Variants in RPS6KA2 observed in about 807,000 individuals in gnomAD.
RPS6KA2 encodes the protein ribosomal protein S6 kinase alpha-2.
In RPS6KA2, 42 loss-of-function variants were observed where a neutral mutation model predicts 91.8. The observed-to-expected ratio is 0.46, with a 90% CI of 0.36 to 0.59. The LOEUF (loss-of-function observed/expected upper bound fraction) is 0.59, where lower values mean the gene tolerates loss of function less well. RPS6KA2 is among the 20% of genes least tolerant of loss of function. RPS6KA2 has a pLI of 0.00. For missense variants in RPS6KA2, 798 were observed against 978.5 expected (o/e 0.82, Z 2.46); for synonymous variants, 414 against 393.6 (o/e 1.05, Z -0.61).
chr6:166,709,910 C>A (rs1344316004), intron 2 of RPS6KA2, among the ~76,000 whole-genome samples: 1 of 152,184 alleles, frequency 6.6e-6, no homozygotes, highest in Non-Finnish European at 1.5e-5. Flanking sequence ...GTGGGCAGAA[C>A]AACTGTGATT....
At chr6:166,813,771 A>G (rs1779696402) in intron 2 of RPS6KA2, among the ~76,000 whole-genome samples, 1 of 152,186 alleles carries the variant, frequency 6.6e-6, no homozygotes, top group Admixed American at 6.5e-5. Context: ...TTGAGTTTTC[A>G]TGACTGAAAA....
chr6:166,839,626 T>C (rs1235298489), intron 2 of RPS6KA2, among the ~76,000 whole-genome samples: 1 of 130,200 alleles, frequency 7.7e-6, no homozygotes, highest in Non-Finnish European at 1.6e-5. Flanking sequence ...TAAAAATAGA[T>C]GCCATCCCAA....
At chr6:166,539,622 G>T (rs1260900305) in intron 1 of RPS6KA2, among the ~76,000 whole-genome samples, 2 of 152,222 alleles carry the variant, frequency 1.3e-5, no homozygotes, top group African/African-American at 4.8e-5. Context: ...CACCAGCCCA[G>T]AAAGCAAGAT....
intron 8 of RPS6KA2, among the ~76,000 whole-genome samples, chr6:166,497,965 G>A (rs1781851288): frequency 6.6e-6 from 1 of 152,120 alleles, no homozygotes; most frequent in Admixed American, 6.5e-5. Context: ...AGCTGGGAGA[G>A]TGGGATTGGG....
chr6:166,712,679 CT>C (rs1789898355), intron 2 of RPS6KA2, among the ~76,000 whole-genome samples: 1 of 152,182 alleles, frequency 6.6e-6, no homozygotes, highest in African/African-American at 2.4e-5. Context: ...CCTGCACTAT[CT>C]CTTGATGTGT....
intron 11 of RPS6KA2, among the ~76,000 whole-genome samples, chr6:166,464,143 C>T (rs1055238202): frequency 7.9e-5 from 12 of 152,324 alleles, no homozygotes; most frequent in Middle Eastern, 3.4e-3. Context: ...CCACTCTCTG[C>T]GCCATACTGC....
At chr6:166,831,002 C>T (rs1019133615) in intron 2 of RPS6KA2, among the ~76,000 whole-genome samples, 4 of 152,176 alleles carry the variant, frequency 2.6e-5, no homozygotes, top group African/African-American at 9.7e-5. Flanking sequence ...TCTTCTGCAA[C>T]GAAGGCCTCC....
At position 166,770,972 on chromosome 6, in the gene RPS6KA2, G is replaced by A; in HGVS notation, c.123+87228C>T. 1 of 1,497,192 alleles carries A rather than the reference G, an allele frequency of 6.7e-7. No individual in the cohort carries two copies. The allele number at this position is 1,497,192 out of a possible 1,614,324, so 92.7% of individuals were successfully genotyped here. A position where few individuals can be genotyped will look rare whatever the true frequency, so the allele number is the denominator to read the frequency against. ...AAGTCACAGGACGTATTTACAGTCAGCAACTTCATTAGCAAGGGCATTACT... is the reference window on the plus strand; with the variant it reads ...AAGTCACAGGACGTATTTACAGTCAACAACTTCATTAGCAAGGGCATTACT... On this transcript the variant is annotated intron_variant, in intron 2 of 21. Transcript: ENST00000503859. This position sits in a 1 kb window ranked among gnomAD's most constrained non-coding sequence, Gnocchi z 5.1.
intron 2 of RPS6KA2, among the ~76,000 whole-genome samples, chr6:166,741,792 G>C (rs1790822791): frequency 6.6e-6 from 1 of 152,196 alleles, no homozygotes; most frequent in African/African-American, 2.4e-5. Context: ...CCCGTTTCCA[G>C]CATTCTTCTG....
At chr6:166,698,048 G>A (rs144886529) in intron 2 of RPS6KA2, among the ~76,000 whole-genome samples, 1 of 152,212 alleles carries the variant, frequency 6.6e-6, no homozygotes, top group African/African-American at 2.4e-5. Flanking sequence ...AGAAGAGAGT[G>A]ACTGTAAGGA....
At chr6:166,787,474 G>C (rs890462808) in intron 2 of RPS6KA2, among the ~76,000 whole-genome samples, 5 of 151,862 alleles carry the variant, frequency 3.3e-5, no homozygotes, top group African/African-American at 1.2e-4. Context: ...GGCTGTGGGA[G>C]TACAGATATA....
At chr6:166,667,894 C>G (rs1418673518) in intron 2 of RPS6KA2, among the ~76,000 whole-genome samples, 2 of 152,180 alleles carry the variant, frequency 1.3e-5, no homozygotes, top group Admixed American at 1.3e-4. Flanking sequence ...CCCCTGGGCC[C>G]TGAGTGTACA....
intron 2 of RPS6KA2, among the ~76,000 whole-genome samples, chr6:166,851,665 G>A (rs1398983290): frequency 1.3e-5 from 2 of 152,190 alleles, no homozygotes. Flanking sequence ...CGATTTTAGA[G>A]ACTGTTCCCA....
chr6:166,701,118 T>C, intron 2 of RPS6KA2: 1 of 1,611,620 alleles, frequency 6.2e-7, no homozygotes, highest in Non-Finnish European at 8.5e-7. Flanking sequence ...ACTGAGGTGG[T>C]CCACTTTGCA....
At chr6:166,515,752 A>T (rs769604124) in intron 3 of RPS6KA2, among the ~76,000 whole-genome samples, 1 of 152,214 alleles carries the variant, frequency 6.6e-6, no homozygotes, top group Non-Finnish European at 1.5e-5. Context: ...CCCCCACATC[A>T]CTAAGCTAAA....
chr6:166,798,134 C>T (rs1218137022), intron 2 of RPS6KA2, among the ~76,000 whole-genome samples: 3 of 152,334 alleles, frequency 2.0e-5, no homozygotes, highest in African/African-American at 4.8e-5. Context: ...CATTCGCCCT[C>T]AGTGTTTATC....
At chr6:166,710,504 G>GTGTGTGGTGTGTGTGTGTTA (rs1789813364) in intron 2 of RPS6KA2, among the ~76,000 whole-genome samples, 1 of 150,968 alleles carries the variant, frequency 6.6e-6, no homozygotes, top group Non-Finnish European at 1.5e-5. Flanking sequence ...GTGTGTGTGT[G>GTGTGTGGTGTGTGTGTGTTA]TGTGTGGTGT....
At chr6:166,475,687 C>T in intron 10 of RPS6KA2, 3 of 482,452 alleles carry the variant, frequency 6.2e-6, no homozygotes, top group Non-Finnish European at 1.3e-5. Flanking sequence ...CTGAACAGAT[C>T]ACACACGAAG....
chr6:166,625,614 G>T (rs998018445), intron 1 of RPS6KA2, among the ~76,000 whole-genome samples: 5 of 152,018 alleles, frequency 3.3e-5, no homozygotes, highest in Non-Finnish European at 5.9e-5. Flanking sequence ...ACATGTATCC[G>T]GATAAAGATA....
Sources: gnomAD v4.1 joint callset for allele counts (sites outside exome capture counted in the v4.1 genomes callset) on GRCh38, gnomAD v4.1.1 for gene constraint, Gnocchi (gnomAD v3.1) non-coding constraint, MANE v1.5 for transcripts, NCBI Gene and HGNC (gene_info 2026-07-23, HGNC 2026-07-21) for gene names.